Variants in MAP3K2 observed in about 807,000 individuals in gnomAD.
MAP3K2 encodes the protein mitogen-activated protein kinase kinase kinase 2.
In MAP3K2, 24 loss-of-function variants were observed where a neutral mutation model predicts 80.3. The observed-to-expected ratio is 0.30, with a 90% CI of 0.22 to 0.42. The LOEUF (loss-of-function observed/expected upper bound fraction) is 0.42, where lower values mean the gene tolerates loss of function less well. MAP3K2 is among the 10% of genes least tolerant of loss of function. MAP3K2 has a pLI of 1.00. For missense variants in MAP3K2, 608 were observed against 750.1 expected, an observed-to-expected ratio of 0.81 and a Z score of 2.21; for synonymous variants, 244 against 253.7, an observed-to-expected ratio of 0.96 and a Z score of 0.36.
chr2:127,387,902 C>T lies in MAP3K2; in HGVS notation c.-516G>A. The T allele has an allele frequency of 2.0e-6, 2 of 982,018 alleles. No homozygotes were observed. The highest frequency in any genetic ancestry group is 2.4e-6 in the Non-Finnish European group (2 of 827,118). 60.8% of individuals were successfully genotyped at this position (982,018 alleles called of 1,614,324 possible). A position where few individuals can be genotyped will look rare whatever the true frequency, so the allele number is the denominator to read the frequency against. ...TGCAACCCCCGAACGCTGCGCCCAGCGGCCGCGGCACCCTCGTCAGGCGCC... is the reference window on the plus strand; with the variant it reads ...TGCAACCCCCGAACGCTGCGCCCAGTGGCCGCGGCACCCTCGTCAGGCGCC... On this transcript the variant is annotated 5_prime_UTR_variant, in exon 1 of 17. Transcript: ENST00000682094.
chr2:127,379,549 GC>G (rs368744470), intron 1 of MAP3K2, among the ~76,000 whole-genome samples: 1 of 152,156 alleles, frequency 6.6e-6, no homozygotes, highest in African/African-American at 2.4e-5. Context: ...CACATTATAA[GC>G]ACAGTCGGTT....
intron 1 of MAP3K2, among the ~76,000 whole-genome samples, chr2:127,349,005 C>A (rs973425313): frequency 6.6e-6 from 1 of 152,120 alleles, no homozygotes; most frequent in Non-Finnish European, 1.5e-5. Context: ...ACCATGTTAT[C>A]CTTGCATGCT....
rs1034044799 is a variant in MAP3K2, at chr2:127,304,843, T to C, written c.*2736A>G. 4.6e-5 allele frequency: 7 copies of C among 152,548 alleles called. No homozygotes were observed. Among genetic ancestry groups the C allele is most frequent in the African/African-American group, 1.7e-4 (7 of 41,452 alleles). The allele number at this position is 152,548 out of a possible 1,614,324, so 9.4% of individuals were successfully genotyped here. On this transcript the variant is annotated 3_prime_UTR_variant, in exon 17 of 17. Coordinates refer to ENST00000682094, the MANE Select transcript of MAP3K2 (RefSeq NM_001371910.2). The stretch of plus-strand genomic sequence containing the variant: ...TCTAGTAGTTTTTATATATATTAAC[T>C]TTTATTGTGGTTTTTGGTACCTTCA...
chr2:127,375,414 A>ATTTT (rs775429874), intron 1 of MAP3K2, among the ~76,000 whole-genome samples: 5 of 123,092 alleles, frequency 4.1e-5, no homozygotes, highest in African/African-American at 8.7e-5. Context: ...TTATTTATTT[A>ATTTT]TTTATTTTTT....
chr2:127,388,232 C>T (rs112721080), upstream of MAP3K2: 10,129 of 864,568 alleles, frequency 0.012, 49 homozygotes, highest in Non-Finnish European at 0.013. Context: ...GTTCCGTGTG[C>T]GCGGCGCATA....
chr2:127,351,515 CA>C (rs1686691796), intron 1 of MAP3K2, among the ~76,000 whole-genome samples: 2 of 152,072 alleles, frequency 1.3e-5, no homozygotes, highest in Non-Finnish European at 2.9e-5. Flanking sequence ...TCCAGTTGCT[CA>C]AAACAAAAAT....
At chr2:127,335,415 C>A (rs1004878623) in intron 5 of MAP3K2, among the ~76,000 whole-genome samples, 1 of 152,178 alleles carries the variant, frequency 6.6e-6, no homozygotes, top group Non-Finnish European at 1.5e-5. Context: ...CTCCTCACTG[C>A]TAGAGCAAGC....
chr2:127,314,700 A>G, intron 15 of MAP3K2, 54 bp downstream of exon 15: 2 of 1,384,568 alleles, frequency 1.4e-6, no homozygotes, highest in South Asian at 1.2e-5. Context: ...CACTTGTTTC[A>G]TTCACATTCA....
chr2:127,329,162 T>C (rs1244723966), intron 7 of MAP3K2, among the ~76,000 whole-genome samples: 1 of 152,106 alleles, frequency 6.6e-6, no homozygotes. Context: ...ATTATAACAA[T>C]AAATTAATGG....
chr2:127,346,410 TAAAAA>T (rs70985447), intron 1 of MAP3K2, among the ~76,000 whole-genome samples: 2 of 96,346 alleles, frequency 2.1e-5, no homozygotes, highest in Non-Finnish European at 4.0e-5. Flanking sequence ...AAACTGGTTT[TAAAAA>T]AAAAAAAAAA....
At chr2:127,384,666 G>C (rs970426119) in intron 1 of MAP3K2, among the ~76,000 whole-genome samples, 7 of 151,188 alleles carry the variant, frequency 4.6e-5, no homozygotes, top group South Asian at 2.1e-4. Context: ...AAACAAAGTG[G>C]CCTTTTTTTT....
intron 15 of MAP3K2, among the ~76,000 whole-genome samples, chr2:127,314,268 A>G (rs1685859642): frequency 1.3e-5 from 2 of 152,168 alleles, no homozygotes; most frequent in Admixed American, 6.5e-5. Context: ...AGTGACACCC[A>G]TTCCTCCGAG....
chr2:127,312,700 C>T (rs530699204), intron 15 of MAP3K2, among the ~76,000 whole-genome samples: 3 of 152,128 alleles, frequency 2.0e-5, no homozygotes, highest in Admixed American at 6.5e-5. Context: ...CGGTAGCTCA[C>T]GCCTGTAATC....
chr2:127,365,479 G>C (rs1291087829), intron 1 of MAP3K2, among the ~76,000 whole-genome samples: 1 of 152,166 alleles, frequency 6.6e-6, no homozygotes, highest in Non-Finnish European at 1.5e-5. Flanking sequence ...GGCCCAAAGA[G>C]CAAAAGACTT....
rs371386287 is a variant in MAP3K2 at position 127,347,793 on chromosome 2, A to G, written c.-65-4599T>C. On this transcript the variant is annotated intron_variant, in intron 1 of 16. Coordinates refer to ENST00000682094, the MANE Select transcript of MAP3K2 (RefSeq NM_001371910.2). ...CTGAATAGCCACAACAATACTGAAAAAGAAAAATAAAGATGCTCAGTATCA... is the reference window on the plus strand; with the variant it reads ...CTGAATAGCCACAACAATACTGAAAGAGAAAAATAAAGATGCTCAGTATCA... 4.6e-5 allele frequency among the ~76,000 whole-genome samples: 7 copies of G among 152,270 alleles called. No individual in the cohort carries two copies. The East Asian group carries it at 1.2e-3, about 25-fold the overall frequency.
intron 1 of MAP3K2, among the ~76,000 whole-genome samples, chr2:127,374,007 G>A (rs752384772): frequency 6.6e-6 from 1 of 152,134 alleles, no homozygotes; most frequent in Non-Finnish European, 1.5e-5. Context: ...TACTAAAATA[G>A]TTCAATCCCC....
chr2:127,314,866 T>C lies in MAP3K2; in HGVS notation c.1344A>G (p.Gln448=), dbSNP rs375091837. ...EYMPGGSIKD[Q]LKAYGALTEN... is the part of the protein sequence containing the mutation. ...CAGTAAGAGCGCCATATGCTTTTAA[T>C]TGGTCCTTAATTGAACCCTAGGAGA... is the stretch of plus-strand genomic sequence containing the variant. Residue 448 remains glutamine (Q), a synonymous_variant, in exon 15 of 17, where the codon CAA becomes CAG. Transcript: ENST00000682094. The C allele has an allele frequency of 6.2e-7, 1 of 1,609,830 alleles. No individual in the cohort carries two copies.
Position 127,387,964 on chromosome 2 carries a change from C to T in MAP3K2, c.-578G>A, listed in dbSNP as rs1687405344. On this transcript the variant is annotated 5_prime_UTR_variant, in exon 1 of 17. The change creates a new upstream start codon in the 5' untranslated region. Coordinates refer to ENST00000682094, the MANE Select transcript of MAP3K2 (RefSeq NM_001371910.2). ...CAGGCAGCCCGGCAGCCACTACACA[C>T]GGACCCGTGACGTCGGGCGTAGCGC... The T allele has an allele frequency of 2.0e-6, 2 of 984,500 alleles. No individual in the cohort carries two copies. The highest frequency in any genetic ancestry group is 2.4e-6 in the Non-Finnish European group (2 of 829,694). The allele number at this position is 984,500 out of a possible 1,614,324, so 61.0% of individuals were successfully genotyped here.
chr2:127,334,318 G>GT (rs1386267697), intron 5 of MAP3K2, among the ~76,000 whole-genome samples: 3 of 152,142 alleles, frequency 2.0e-5, no homozygotes, highest in African/African-American at 4.8e-5. Flanking sequence ...TAGTCTTAAT[G>GT]TATCTTGGCA....
Sources: gnomAD v4.1 joint callset for allele counts (sites outside exome capture counted in the v4.1 genomes callset) on GRCh38, gnomAD v4.1.1 for gene constraint, MANE v1.5 for transcripts, NCBI Gene and HGNC (gene_info 2026-07-23, HGNC 2026-07-21) for gene names.